Variants in NAV2 observed in about 807,000 individuals in gnomAD.
The protein encoded by NAV2 is neuron navigator 2, also known as helicase, APC down-regulated 1.
A neutral mutation model predicts 223.2 loss-of-function variants in NAV2; 54 were observed. The ratio of observed to expected loss-of-function variants is 0.24; its 90% CI spans 0.19 to 0.30. The LOEUF (loss-of-function observed/expected upper bound fraction) is 0.30, where lower values mean the gene tolerates loss of function less well. NAV2 is among the 10% of genes least tolerant of loss of function. The pLI is 1.00. For synonymous variants in NAV2, 1,279 were observed against 1,239.3 expected, an observed-to-expected ratio of 1.03 and a Z score of -0.67; for missense variants, 2,806 against 3,147.5, an observed-to-expected ratio of 0.89 and a Z score of 2.60.
At chr11:19,389,549 A>T (rs1354987996) in intron 1 of NAV2, among the ~76,000 whole-genome samples, 19 of 152,148 alleles carry the variant, frequency 1.2e-4, no homozygotes, top group Admixed American at 1.2e-3. Flanking sequence ...GAGTCTCAGG[A>T]TCCTCATCTG....
intron 1 of NAV2, among the ~76,000 whole-genome samples, chr11:19,704,872 G>A (rs536916057): frequency 1.7e-4 from 26 of 151,820 alleles, no homozygotes; most frequent in Middle Eastern, 3.4e-3. Flanking sequence ...TTAGCCGGGC[G>A]TCGTGGCGGG....
At chr11:20,048,176 T>C (rs577024045) in intron 14 of NAV2, among the ~76,000 whole-genome samples, 1 of 152,278 alleles carries the variant, frequency 6.6e-6, no homozygotes, top group African/African-American at 2.4e-5. Flanking sequence ...ATCTTTCCAG[T>C]TGCGTTTTCT....
At chr11:19,382,165 C>G (rs1185188445) in intron 1 of NAV2, among the ~76,000 whole-genome samples, 1 of 152,166 alleles carries the variant, frequency 6.6e-6, no homozygotes, top group African/African-American at 2.4e-5. Flanking sequence ...TTAATCTAAG[C>G]TGAATGGCGC....
chr11:19,709,625 T>A (rs1292464606), upstream of NAV2, among the ~76,000 whole-genome samples: 1 of 149,714 alleles, frequency 6.7e-6, no homozygotes, highest in Non-Finnish European at 1.5e-5. Flanking sequence ...ACTTGAGGTC[T>A]GGAGTTCCAG....
chr11:19,773,280 G>A (rs781392331), intron 1 of NAV2, among the ~76,000 whole-genome samples: 7 of 152,268 alleles, frequency 4.6e-5, no homozygotes, highest in South Asian at 2.1e-4. Context: ...ATGGTGGGAC[G>A]GGAAAGGTCT....
intron 10 of NAV2, among the ~76,000 whole-genome samples, chr11:19,965,841 G>T (rs72916853): frequency 0.099 from 15,006 of 152,304 alleles, 1,031 homozygotes; most frequent in Middle Eastern, 0.21. Flanking sequence ...TGTCTGGTCT[G>T]CCATGTGTGG....
At chr11:19,907,406 C>T (rs952257323) in intron 6 of NAV2, among the ~76,000 whole-genome samples, 9 of 152,152 alleles carry the variant, frequency 5.9e-5, no homozygotes, top group Non-Finnish European at 1.2e-4. Flanking sequence ...ACTGAAAGGA[C>T]GACTTTTAGC....
chr11:19,976,447 G>A (rs1352026922), intron 10 of NAV2, among the ~76,000 whole-genome samples: 1 of 152,194 alleles, frequency 6.6e-6, no homozygotes, highest in Non-Finnish European at 1.5e-5. Flanking sequence ...TGTGACACCA[G>A]TTTTCCCTGG....
At chr11:19,348,122 G>A (rs183831369), upstream of NAV2, among the ~76,000 whole-genome samples, 26 of 152,304 alleles carry the variant, frequency 1.7e-4, no homozygotes, top group Admixed American at 2.0e-4. Flanking sequence ...TGGCGAGAGC[G>A]TCTGTCCCCA....
At chr11:19,431,931 C>T (rs1851050388) in intron 1 of NAV2, among the ~76,000 whole-genome samples, 1 of 152,202 alleles carries the variant, frequency 6.6e-6, no homozygotes, top group Non-Finnish European at 1.5e-5. Context: ...GGTGCGGTGG[C>T]TCATGCCTGT....
Position 20,083,974 on chromosome 11 carries a change from A to G in NAV2, c.5498+795A>G, listed in dbSNP as rs77716107. Among the ~76,000 whole-genome samples, 790 of 152,330 alleles carry G rather than the reference A, an allele frequency of 5.2e-3. 8 individuals are homozygous for G. Among genetic ancestry groups the G allele is most frequent in the African/African-American group, 0.018 (742 of 41,574 alleles). On this transcript the variant is annotated intron_variant, in intron 26 of 37. Transcript: ENST00000349880. ...AGGCCCTGCCTTAGCAGCTTACCAG[A>G]TGGGTAGAGGGAGTACAGGCAAAAT...
At chr11:19,769,338 T>C (rs2055512209) in intron 1 of NAV2, among the ~76,000 whole-genome samples, 1 of 152,212 alleles carries the variant, frequency 6.6e-6, no homozygotes, top group Non-Finnish European at 1.5e-5. Flanking sequence ...TGCAATGTCA[T>C]GGACCTGCGC....
intron 10 of NAV2, among the ~76,000 whole-genome samples, chr11:19,965,389 A>AT (rs917616329): frequency 4.0e-5 from 6 of 149,912 alleles, no homozygotes; most frequent in South Asian, 2.1e-4. Context: ...TCCACCATCC[A>AT]TTTTTTTTTC....
Position 20,086,146 on chromosome 11 carries a change from G to A in NAV2, c.5498+2967G>A, listed in dbSNP as rs571739532. Among the ~76,000 whole-genome samples the A allele has an allele frequency of 1.2e-4, 19 of 152,326 alleles. No individual in the cohort carries two copies. In the South Asian group the frequency reaches 2.3e-3, roughly 18 times the overall value. ...ACACGCAAGGCTTTGAAGTGAATTC[G>A]CATCCAATTTCATGTATAATGGGTG... On this transcript the variant is annotated intron_variant, in intron 26 of 37. Coordinates refer to ENST00000349880, the MANE Select transcript of NAV2 (RefSeq NM_145117.5).
At chr11:19,646,464 C>A (rs1590030097) in intron 1 of NAV2, among the ~76,000 whole-genome samples, 1 of 152,132 alleles carries the variant, frequency 6.6e-6, no homozygotes, top group East Asian at 1.9e-4. Context: ...TTTGTATAGG[C>A]AAGCTCTGGG....
chr11:19,617,511 A>T (rs539014627), intron 1 of NAV2, among the ~76,000 whole-genome samples: 1 of 152,222 alleles, frequency 6.6e-6, no homozygotes, highest in Non-Finnish European at 1.5e-5. Flanking sequence ...CCTGCCTTCA[A>T]GGGACTTCCA....
intron 1 of NAV2, among the ~76,000 whole-genome samples, chr11:19,444,697 T>A (rs1336592055): frequency 7.1e-6 from 1 of 140,308 alleles, no homozygotes; most frequent in East Asian, 2.1e-4. Flanking sequence ...ATTACATTGT[T>A]ATTGCTGTTG....
chr11:19,740,805 G>A (rs576626080), intron 1 of NAV2, among the ~76,000 whole-genome samples: 1 of 152,310 alleles, frequency 6.6e-6, no homozygotes, highest in East Asian at 1.9e-4. Flanking sequence ...CTATAAGGTA[G>A]ACACTATTAC....
At chr11:19,461,035 C>T (rs1028010210) in intron 1 of NAV2, among the ~76,000 whole-genome samples, 1 of 152,196 alleles carries the variant, frequency 6.6e-6, no homozygotes, top group East Asian at 1.9e-4. Flanking sequence ...AGCACTGCAG[C>T]AGCTTCCGTC....
Sources: gnomAD v4.1 joint callset for allele counts (sites outside exome capture counted in the v4.1 genomes callset) on GRCh38, gnomAD v4.1.1 for gene constraint, MANE v1.5 for transcripts, NCBI Gene and HGNC (gene_info 2026-07-23, HGNC 2026-07-21) for gene names.